Variants in NCOA1 observed in about 807,000 individuals in gnomAD.
NCOA1 encodes the protein Hin-2 protein.
Under a neutral mutation model 150.9 loss-of-function variants are expected in NCOA1, and 35 were observed. The observed-to-expected ratio is 0.23, with a 90% confidence interval of 0.18 to 0.31. NCOA1 has a LOEUF of 0.31. NCOA1 is among the 10% of genes least tolerant of loss of function. NCOA1 has a pLI of 1.00. For missense variants in NCOA1, 1,491 were observed against 1,749.3 expected (o/e 0.85, Z 2.63); for synonymous variants, 590 against 630.0 (o/e 0.94, Z 0.95).
At chr2:24,514,548 A>AAGC (rs1380572687) in intron 1 of NCOA1, among the ~76,000 whole-genome samples, 1 of 152,070 alleles carries the variant, frequency 6.6e-6, no homozygotes, top group Non-Finnish European at 1.5e-5. Context: ...CACAACCGTA[A>AAGC]TCTTAGCACT....
chr2:24,599,686 A>C (rs1031347895), intron 3 of NCOA1, among the ~76,000 whole-genome samples: 1 of 149,526 alleles, frequency 6.7e-6, no homozygotes, highest in Non-Finnish European at 1.5e-5. Context: ...CTTGTAACTT[A>C]TATACAGCCC....
chr2:24,587,276 TAAAG>T (rs1433395744), intron 3 of NCOA1, among the ~76,000 whole-genome samples: 1 of 151,878 alleles, frequency 6.6e-6, no homozygotes, highest in African/African-American at 2.4e-5. Context: ...AAGTGGTAGA[TAAAG>T]GAAGGATTAA....
chr2:24,598,012 AGT>A (rs1667952861), intron 3 of NCOA1, among the ~76,000 whole-genome samples: 1 of 152,030 alleles, frequency 6.6e-6, no homozygotes, highest in Middle Eastern at 3.4e-3. Context: ...CCCACCTATG[AGT>A]GAGAATATGC....
At position 24,742,118 on chromosome 2, in the gene NCOA1, TAGG is replaced by T. The variant is rs1558331626; in HGVS notation, c.3643_3645del (p.Gly1215del). ...GTGAGCAGAGGCATGACAGGAAACA[TAGG>T]AGGACAGTTTGGCACTGGAATCAAT... On this transcript the variant is annotated inframe_deletion, in exon 19 of 23. Coordinates refer to ENST00000348332, the MANE Select transcript of NCOA1 (RefSeq NM_003743.5). 6 of 1,614,082 alleles carry T rather than the reference TAGG, an allele frequency of 3.7e-6. No individual in the cohort carries two copies. In the South Asian group the frequency reaches 5.5e-5, roughly 15 times the overall value.
chr2:24,553,342 C>T (rs1558788741), intron 1 of NCOA1, among the ~76,000 whole-genome samples: 1 of 151,920 alleles, frequency 6.6e-6, no homozygotes, highest in Non-Finnish European at 1.5e-5. Flanking sequence ...CCTCAGCCTC[C>T]CGAGTAGCTG....
Position 24,762,809 on chromosome 2 carries a change from A to C in NCOA1, c.4155+33A>C, listed in dbSNP as rs2148700664. 5 of 1,566,606 alleles carry C rather than the reference A, an allele frequency of 3.2e-6. No homozygotes were observed. The East Asian group carries it at 1.1e-4, about 35-fold the overall frequency. On this transcript the variant is annotated intron_variant, in intron 22 of 22. Coordinates refer to ENST00000348332, the MANE Select transcript of NCOA1 (RefSeq NM_003743.5). ...AGGAAATTCTAAGCCCAGAGCTGTC[A>C]AATGTACTCTAGATGCACAGAGGTC...
chr2:24,526,505 C>T (rs542063145), intron 1 of NCOA1, among the ~76,000 whole-genome samples: 5 of 147,744 alleles, frequency 3.4e-5, no homozygotes, highest in East Asian at 2.0e-4. Context: ...ACTATTGTCT[C>T]GACCTTTTTT....
chr2:24,522,539 C>A (rs145404304), intron 1 of NCOA1, among the ~76,000 whole-genome samples: 110 of 152,240 alleles, frequency 7.2e-4, no homozygotes, highest in Middle Eastern at 3.4e-3. Flanking sequence ...GTACAAAGAG[C>A]GTACACCAGA....
At chr2:24,746,278 C>T (rs1663913095) in intron 19 of NCOA1, among the ~76,000 whole-genome samples, 1 of 152,194 alleles carries the variant, frequency 6.6e-6, no homozygotes, top group Non-Finnish European at 1.5e-5. Context: ...CACGGTGGCT[C>T]ACGCCTGTAA....
At chr2:24,739,881 G>C (rs1663518477) in intron 18 of NCOA1, among the ~76,000 whole-genome samples, 1 of 152,052 alleles carries the variant, frequency 6.6e-6, no homozygotes, top group Admixed American at 6.5e-5. Context: ...TCAAAACCCA[G>C]TCACATTGCT....
intron 1 of NCOA1, among the ~76,000 whole-genome samples, chr2:24,518,784 G>C (rs1457646318): frequency 2.0e-5 from 3 of 152,140 alleles, no homozygotes; most frequent in Non-Finnish European, 4.4e-5. Flanking sequence ...TTTAAGACTT[G>C]TACACTGAAA....
At chr2:24,513,704 A>G (rs1664033088) in intron 1 of NCOA1, among the ~76,000 whole-genome samples, 1 of 152,240 alleles carries the variant, frequency 6.6e-6, no homozygotes, top group East Asian at 1.9e-4. Context: ...ATTTAATAAA[A>G]TATACCAATT....
At chr2:24,745,262 C>T (rs980637265) in intron 19 of NCOA1, among the ~76,000 whole-genome samples, 7 of 150,840 alleles carry the variant, frequency 4.6e-5, no homozygotes, top group African/African-American at 1.2e-4. Context: ...CCCGGGTTCA[C>T]GCCATTCTCC....
At chr2:24,641,037 C>CT (rs1470638238) in intron 3 of NCOA1, among the ~76,000 whole-genome samples, 1 of 151,930 alleles carries the variant, frequency 6.6e-6, no homozygotes, top group Non-Finnish European at 1.5e-5. Context: ...TAGTAGAGTG[C>CT]TAACAATTCC....
chr2:24,643,290 C>T (rs1670313798), intron 3 of NCOA1, among the ~76,000 whole-genome samples: 1 of 152,222 alleles, frequency 6.6e-6, no homozygotes, highest in South Asian at 2.1e-4. Context: ...TCCGAGTTCC[C>T]TTCCAGGAGA....
Position 24,491,591 on chromosome 2 carries a change from C to G in NCOA1, c.-407C>G, listed in dbSNP as rs1022481520. Among the ~76,000 whole-genome samples the G allele has an allele frequency of 1.3e-5, 2 of 149,770 alleles. No homozygotes were observed. Among genetic ancestry groups the G allele is most frequent in the African/African-American group, 2.4e-5 (1 of 41,084 alleles). On this transcript the variant is annotated 5_prime_UTR_variant, in exon 1 of 23. Coordinates refer to ENST00000348332, the MANE Select transcript of NCOA1 (RefSeq NM_003743.5). ...GGCGCCGGTGAGCGGGGCCCAGAGGCGGCGGCGGCAGGTGAGTGGCGGGCT... is the reference window on the plus strand; with the variant it reads ...GGCGCCGGTGAGCGGGGCCCAGAGGGGGCGGCGGCAGGTGAGTGGCGGGCT...
chr2:24,555,106 A>G (rs1666020199), intron 1 of NCOA1, among the ~76,000 whole-genome samples: 1 of 152,184 alleles, frequency 6.6e-6, no homozygotes, highest in Non-Finnish European at 1.5e-5. Flanking sequence ...CTCTAGTGAG[A>G]GAGAGGGGAC....
intron 1 of NCOA1, among the ~76,000 whole-genome samples, chr2:24,525,607 C>T (rs1248760411): frequency 6.7e-6 from 1 of 149,844 alleles, no homozygotes; most frequent in Admixed American, 6.7e-5. Flanking sequence ...AGGGCAGTGG[C>T]GCGATTTTGG....
chr2:24,701,053 C>T (rs1429636613), intron 11 of NCOA1, among the ~76,000 whole-genome samples: 2 of 151,720 alleles, frequency 1.3e-5, no homozygotes, highest in African/African-American at 4.8e-5. Flanking sequence ...ATACTTTTTC[C>T]TGGAGCACAT....
Sources: allele counts gnomAD v4.1 joint callset (sites outside exome capture counted in the v4.1 genomes callset), GRCh38; gene constraint gnomAD v4.1.1; transcripts MANE v1.5; gene names NCBI Gene and HGNC (gene_info 2026-07-23, HGNC 2026-07-21).